KLHL5: variants seen among roughly 807,000 people sequenced by gnomAD.
KLHL5 encodes the protein kelch-like protein 5.
A neutral mutation model predicts 77.7 loss-of-function variants in KLHL5; 48 were observed. The observed-to-expected ratio is 0.62, with a 90% confidence interval of 0.49 to 0.79. The LOEUF is 0.79. KLHL5 is among the 30% of genes least tolerant of loss of function. The probability of loss-of-function intolerance (pLI) is 0.00; values close to 1 mark genes in which losing one functional copy is unlikely to be tolerated. For missense variants in KLHL5, 723 were observed against 859.7 expected, an observed-to-expected ratio of 0.84 and a Z score of 1.99; for synonymous variants, 260 against 297.0, an observed-to-expected ratio of 0.88 and a Z score of 1.28.
chr4:39,084,495 G>A (rs1049223377), intron 4 of KLHL5, among the ~76,000 whole-genome samples: 1 of 152,076 alleles, frequency 6.6e-6, no homozygotes, highest in African/African-American at 2.4e-5. Flanking sequence ...AAAAAACATT[G>A]AGATCTGCTA....
intron 1 of KLHL5, among the ~76,000 whole-genome samples, chr4:39,069,497 CACACAT>C (rs1343249712): frequency 1.4e-5 from 2 of 142,566 alleles, no homozygotes; most frequent in African/African-American, 2.6e-5. Context: ...CACACACACA[CACACAT>C]ACATATTTAT....
intron 10 of KLHL5, among the ~76,000 whole-genome samples, chr4:39,118,337 A>AT (rs34368846): frequency 0.52 from 77,526 of 148,604 alleles, 20,452 homozygotes; most frequent in Non-Finnish European, 0.59. Flanking sequence ...AGAGCCAAGG[A>AT]TTTTTTTTTT....
chr4:39,066,536 A>G (rs574418781), intron 1 of KLHL5, among the ~76,000 whole-genome samples: 1 of 152,312 alleles, frequency 6.6e-6, no homozygotes, highest in South Asian at 2.1e-4. Flanking sequence ...GATGATGGAA[A>G]AGCAACATGC....
chr4:39,065,454 A>G (rs951378529), intron 1 of KLHL5, among the ~76,000 whole-genome samples: 2 of 151,400 alleles, frequency 1.3e-5, no homozygotes, highest in South Asian at 2.1e-4. Context: ...CTCCCGTTCA[A>G]GCCATTCTCC....
chr4:39,079,661 T>G (rs532899544), intron 2 of KLHL5, among the ~76,000 whole-genome samples: 71 of 152,300 alleles, frequency 4.7e-4, no homozygotes, highest in African/African-American at 1.7e-3. Context: ...ACTTATCACC[T>G]CTTAATGTAC....
chr4:39,103,656 T>C, intron 7 of KLHL5, 145 bp downstream of exon 7: 2 of 662,494 alleles, frequency 3.0e-6, no homozygotes, highest in Non-Finnish European at 5.2e-6. Flanking sequence ...ATAAAGAATT[T>C]GGTAGGTCAT....
Position 39,124,593 on chromosome 4 carries a change from C to G in KLHL5, c.*3527C>G, listed in dbSNP as rs1373901842. Among the ~76,000 whole-genome samples the G allele has an allele frequency of 6.6e-6, 1 of 151,902 alleles. No homozygotes were observed. Among genetic ancestry groups the G allele is most frequent in the Non-Finnish European group, 1.5e-5 (1 of 67,968 alleles). On this transcript the variant is annotated 3_prime_UTR_variant, in exon 11 of 11. Coordinates refer to ENST00000504108, the MANE Select transcript of KLHL5 (RefSeq NM_015990.5). ...AGAACAGTGTCTTCAACTAATAGTG[C>G]TAAGACAAGTGAATATTCACATGCA...
intron 1 of KLHL5, among the ~76,000 whole-genome samples, chr4:39,051,116 C>G (rs1441374702): frequency 6.6e-6 from 1 of 152,318 alleles, no homozygotes; most frequent in African/African-American, 2.4e-5. Flanking sequence ...CACTCTTTAT[C>G]TGGACATTTT....
At chr4:39,116,770 A>C (rs1239639388) in intron 10 of KLHL5, among the ~76,000 whole-genome samples, 1 of 152,098 alleles carries the variant, frequency 6.6e-6, no homozygotes, top group East Asian at 1.9e-4. Context: ...GCTTGAGGCC[A>C]GGAATTCCAG....
rs529801798 is a variant in KLHL5, at chr4:39,112,894, C to T, written c.1689-126C>T. The T allele has an allele frequency of 9.0e-5, 67 of 746,126 alleles. 2 individuals are homozygous for T. In the South Asian group the frequency reaches 1.1e-3, roughly 12 times the overall value. 46.2% of individuals were successfully genotyped at this position (746,126 alleles called of 1,614,324 possible). A position where few individuals can be genotyped will look rare whatever the true frequency, so the allele number is the denominator to read the frequency against. The stretch of plus-strand genomic sequence containing the variant: ...TAGCATACTTTTTTAATGACACACA[C>T]ATTGACAGTGTGTTTTATAACTGAT... On this transcript the variant is annotated intron_variant, in intron 8 of 10. Transcript: ENST00000504108.
chr4:39,087,360 A>C (rs1469531), intron 5 of KLHL5, among the ~76,000 whole-genome samples: 109,280 of 151,954 alleles, frequency 0.72, 39,408 homozygotes, highest in East Asian at 0.83. Context: ...TTTCTTTGCC[A>C]CATGTTTATT....
intron 1 of KLHL5, among the ~76,000 whole-genome samples, chr4:39,048,637 G>GTTTTTTTTTTTTTTTTT (rs1577617588): frequency 2.1e-5 from 1 of 48,722 alleles, no homozygotes; most frequent in African/African-American, 8.2e-5. Context: ...TTTTACATTG[G>GTTTTTTTTTTTTTTTTT]CTTTTTTTTT....
At chr4:39,093,870 C>T (rs184655281) in intron 5 of KLHL5, among the ~76,000 whole-genome samples, 330 of 151,850 alleles carry the variant, frequency 2.2e-3, no homozygotes, top group Middle Eastern at 0.01. Flanking sequence ...TGCGCCACCA[C>T]ACTCCAGCCT....
upstream of KLHL5, among the ~76,000 whole-genome samples, chr4:39,057,818 A>C (rs1408110888): frequency 1.3e-5 from 2 of 152,122 alleles, no homozygotes; most frequent in African/African-American, 4.8e-5. Context: ...TATCTAAAAA[A>C]CTCTATGTGA....
chr4:39,048,638 C>CTTTTTTTTTTTTTTTTTTTTTTTTT (rs34713116), intron 1 of KLHL5, among the ~76,000 whole-genome samples: 5 of 79,132 alleles, frequency 6.3e-5, no homozygotes, highest in African/African-American at 2.2e-4. Flanking sequence ...TTTACATTGG[C>CTTTTTTTTTTTTTTTTTTTTTTTTT]TTTTTTTTTT....
intron 1 of KLHL5, 110 bp downstream of exon 1, chr4:39,063,145 A>G: frequency 1.5e-6 from 1 of 686,328 alleles, no homozygotes; most frequent in East Asian, 3.0e-5. Context: ...GTACATCTGC[A>G]TACATATATA....
intron 1 of KLHL5, among the ~76,000 whole-genome samples, chr4:39,053,996 CTTAAT>C (rs1446271462): frequency 6.6e-6 from 1 of 152,142 alleles, no homozygotes; most frequent in Non-Finnish European, 1.5e-5. Flanking sequence ...TTACGATGAA[CTTAAT>C]TTAAGTTTCT....
intron 10 of KLHL5, chr4:39,115,569 C>T: frequency 1.4e-6 from 2 of 1,449,566 alleles, no homozygotes; most frequent in Non-Finnish European, 1.8e-6. Flanking sequence ...TCTGCTACCA[C>T]TTGCATGATG....
At chr4:39,055,651 C>G (rs985393477) in intron 1 of KLHL5, among the ~76,000 whole-genome samples, 12 of 152,164 alleles carry the variant, frequency 7.9e-5, no homozygotes, top group Admixed American at 7.2e-4. Flanking sequence ...GGACCATCTA[C>G]AGGTTTCATC....
Sources: allele counts gnomAD v4.1 joint callset (sites outside exome capture counted in the v4.1 genomes callset), GRCh38; gene constraint gnomAD v4.1.1; transcripts MANE v1.5; gene names NCBI Gene and HGNC (gene_info 2026-07-23, HGNC 2026-07-21).